KIAA1217: variants seen among roughly 807,000 people sequenced by gnomAD.
The protein encoded by KIAA1217 is sickle tail protein homolog.
Under a neutral mutation model 163.9 loss-of-function variants are expected in KIAA1217, and 88 were observed. The ratio of observed to expected loss-of-function variants is 0.54; its 90% CI spans 0.45 to 0.64. The LOEUF is 0.64. KIAA1217 is among the 30% of genes least tolerant of loss of function. The pLI, the probability that KIAA1217 is intolerant of heterozygous loss-of-function variation, is 0.00. For synonymous variants in KIAA1217, 903 were observed against 923.1 expected, an observed-to-expected ratio of 0.98 and a Z score of 0.39; for missense variants, 2,372 against 2,475.0, an observed-to-expected ratio of 0.96 and a Z score of 0.88.
intron 1 of KIAA1217, among the ~76,000 whole-genome samples, chr10:23,958,061 T>G (rs186401706): frequency 6.6e-6 from 1 of 152,156 alleles, no homozygotes; most frequent in Non-Finnish European, 1.5e-5. Context: ...AGTAATACTT[T>G]GGGAGTATAC....
Position 24,317,593 on chromosome 10 carries a change from CT to C in KIAA1217, c.355-63275del, listed in dbSNP as rs780122662. The stretch of plus-strand genomic sequence containing the variant: ...ATCTAAGAAATGTAGTGTGGAACCT[CT>C]GAGGTAGGGAAACTGGGAATTCTTT... On this transcript the variant is annotated intron_variant, in intron 2 of 20. Coordinates refer to ENST00000376454, the MANE Select transcript of KIAA1217 (RefSeq NM_019590.5). 9.2e-5 allele frequency among the ~76,000 whole-genome samples: 14 copies of C among 152,210 alleles called. 2 individuals are homozygous for C. The South Asian group carries it at 2.7e-3, about 29-fold the overall frequency.
chr10:24,440,886 T>A (rs555593553), intron 5 of KIAA1217, among the ~76,000 whole-genome samples: 1 of 152,352 alleles, frequency 6.6e-6, no homozygotes, highest in South Asian at 2.1e-4. Flanking sequence ...TGGTTCCTGT[T>A]CACAGATTGC....
Position 24,145,620 on chromosome 10 carries a change from C to T in KIAA1217, c.-170-74006C>T, listed in dbSNP as rs117220560. Among the ~76,000 whole-genome samples the T allele has an allele frequency of 8.5e-4, 130 of 152,282 alleles. 2 individuals are homozygous for T. The East Asian group carries it at 0.016, about 19-fold the overall frequency. On this transcript the variant is annotated intron_variant, in intron 2 of 18. Transcript: ENST00000376462. ...TGATCACAAGGTGAAGTCCCATAAC[C>T]GGCCATCTCCAAGCTGAGGAGCAGA...
chr10:24,016,859 A>G (rs1428335403), intron 2 of KIAA1217, among the ~76,000 whole-genome samples: 1 of 152,126 alleles, frequency 6.6e-6, no homozygotes, highest in East Asian at 1.9e-4. Context: ...ATTTAAAAAA[A>G]ACGTGCAGTG....
At chr10:23,803,841 G>T (rs1310191081) in intron 1 of KIAA1217, among the ~76,000 whole-genome samples, 2 of 152,068 alleles carry the variant, frequency 1.3e-5, no homozygotes, top group Non-Finnish European at 2.9e-5. Flanking sequence ...CCATGAGAAT[G>T]CTTTGATTTT....
chr10:23,837,735 C>T (rs1247785134), intron 1 of KIAA1217, among the ~76,000 whole-genome samples: 1 of 151,986 alleles, frequency 6.6e-6, no homozygotes, highest in East Asian at 1.9e-4. Flanking sequence ...GAGATGGGGT[C>T]TCACTGTGTT....
At position 24,359,171 on chromosome 10, in the gene KIAA1217, C is replaced by A. The variant is rs182681575; in HGVS notation, c.355-21698C>A. Among the ~76,000 whole-genome samples the A allele has an allele frequency of 1.1e-3, 164 of 147,782 alleles. 4 individuals carry two copies. In the East Asian group the frequency reaches 0.027, roughly 24 times the overall value. On this transcript the variant is annotated intron_variant, in intron 2 of 20. Coordinates refer to ENST00000376454, the MANE Select transcript of KIAA1217 (RefSeq NM_019590.5). ...GTGGTGCTATCTTGGCTCACTGCAA[C>A]CTCCACCTCCTAAGCTCAAGTGATT...
At chr10:23,925,996 G>T (rs1233987622) in intron 1 of KIAA1217, among the ~76,000 whole-genome samples, 1 of 152,126 alleles carries the variant, frequency 6.6e-6, no homozygotes, top group Non-Finnish European at 1.5e-5. Context: ...ATTTCAAAAT[G>T]CGCATACTTA....
chr10:24,067,118 C>A (rs2131617426), intron 2 of KIAA1217, among the ~76,000 whole-genome samples: 1 of 152,164 alleles, frequency 6.6e-6, no homozygotes, highest in South Asian at 2.1e-4. Context: ...GTAGTTTGAT[C>A]TTCTGAAGCC....
chr10:24,350,809 C>G (rs1453346609), intron 2 of KIAA1217, among the ~76,000 whole-genome samples: 1 of 142,314 alleles, frequency 7.0e-6, no homozygotes, highest in Non-Finnish European at 1.5e-5. Flanking sequence ...ATACACAGTG[C>G]GAGGAAGTGG....
At chr10:24,104,641 G>C (rs2062550847) in intron 2 of KIAA1217, among the ~76,000 whole-genome samples, 2 of 152,206 alleles carry the variant, frequency 1.3e-5, no homozygotes, top group Admixed American at 6.5e-5. Context: ...CATGCCAAGA[G>C]AGCATCCTAT....
chr10:24,437,881 T>C (rs1292770562), intron 4 of KIAA1217, among the ~76,000 whole-genome samples: 5 of 143,132 alleles, frequency 3.5e-5, no homozygotes, highest in Non-Finnish European at 6.0e-5. Flanking sequence ...TACCTTTTCT[T>C]TCAGTTGCCG....
chr10:24,127,136 T>G (rs1166938058), intron 2 of KIAA1217, among the ~76,000 whole-genome samples: 1 of 152,170 alleles, frequency 6.6e-6, no homozygotes, highest in Admixed American at 6.5e-5. Context: ...AATCATATTC[T>G]CCATGCAAAA....
At chr10:23,781,312 A>G (rs1202881696) in intron 1 of KIAA1217, among the ~76,000 whole-genome samples, 1 of 152,102 alleles carries the variant, frequency 6.6e-6, no homozygotes, top group Non-Finnish European at 1.5e-5. Context: ...CATACTAATA[A>G]GTGTGGGGTG....
At chr10:24,037,203 C>T (rs371811809) in intron 2 of KIAA1217, among the ~76,000 whole-genome samples, 10 of 152,254 alleles carry the variant, frequency 6.6e-5, no homozygotes, top group Admixed American at 1.3e-4. Flanking sequence ...CAGTGGCTCA[C>T]GCCTATAATC....
intron 1 of KIAA1217, among the ~76,000 whole-genome samples, chr10:23,903,184 A>G (rs1842021704): frequency 6.6e-6 from 1 of 152,146 alleles, no homozygotes; most frequent in Non-Finnish European, 1.5e-5. Flanking sequence ...ATGTTAATTT[A>G]TAAAATAAAA....
Position 24,380,944 on chromosome 10 carries a change from T to C in KIAA1217, c.430T>C (p.Ser144Pro). 1 of 1,609,432 alleles carries C rather than the reference T, an allele frequency of 6.2e-7. No individual in the cohort carries two copies. The highest frequency in any genetic ancestry group is 8.5e-7 in the Non-Finnish European group (1 of 1,177,570). The change falls in exon 3 of 21, where the codon TCC (serine) becomes CCC (proline). Residue 144 changes from serine to proline, a missense_variant. Physicochemically the swap from Ser to Pro is moderately conservative, Grantham distance 74 (BLOSUM62 -1). This residue lies in a region of KIAA1217 where 1,431 missense variants were observed against 1,470.3 expected (regional missense o/e 0.97). Coordinates refer to ENST00000376454, the MANE Select transcript of KIAA1217 (RefSeq NM_019590.5). ...CCCGGTCGAGCATTTATCAGAGACGTCCGCTGATTCTTTGGAAGCCATGTC... is the reference window on the plus strand; with the variant it reads ...CCCGGTCGAGCATTTATCAGAGACGCCCGCTGATTCTTTGGAAGCCATGTC... ...GDPVEHLSET[S>P]ADSLEAMSEG...
Position 24,543,297 on chromosome 10 carries a change from A to T in KIAA1217, c.4027A>T (p.Thr1343Ser), listed in dbSNP as rs772366506. ...FKTEDQEVIT[T>S]DFGQVVLRPK... ...AACAGAAGATCAAGAGGTTATCACG[A>T]CAGATTTTGGCCAAGTTGTTCTAAG... Residue 1343 changes from threonine to serine, a missense_variant, in exon 19 of 21, where the codon ACA (threonine) becomes TCA (serine). Around this residue, in one of 3 missense-constraint regions of KIAA1217, gnomAD observed 251 missense variants for 327.3 expected, o/e 0.77. Transcript: ENST00000376454. The T allele has an allele frequency of 3.1e-6, 5 of 1,614,156 alleles. No individual in the cohort carries two copies. The South Asian group carries it at 5.5e-5, about 18-fold the overall frequency.
chr10:23,873,688 T>TTCTC (rs752200216), intron 1 of KIAA1217, among the ~76,000 whole-genome samples: 6 of 130,344 alleles, frequency 4.6e-5, no homozygotes, highest in Admixed American at 3.7e-4. Context: ...AGTTGTCTGT[T>TTCTC]TCTCTCTCTC....
Sources: gnomAD v4.1 joint callset for allele counts (sites outside exome capture counted in the v4.1 genomes callset) on GRCh38, gnomAD v4.1.1 for gene constraint, gnomAD v4.1.1 regional missense constraint, MANE v1.5 for transcripts, NCBI Gene and HGNC (gene_info 2026-07-23, HGNC 2026-07-21) for gene names.